Variants in WWOX observed in about 807,000 individuals in gnomAD.
The protein encoded by WWOX is WW domain-containing oxidoreductase.
A neutral mutation model predicts 46.2 loss-of-function variants in WWOX; 69 were observed. The observed-to-expected ratio is 1.49, with a 90% CI of 1.23 to 1.82. The LOEUF is 1.82. Ranked by LOEUF, WWOX falls within the 40% of genes most tolerant of loss-of-function variation. The probability of loss-of-function intolerance (pLI) is 0.00; values close to 1 mark genes in which losing one functional copy is unlikely to be tolerated. For missense variants in WWOX, 919 were observed against 542.6 expected (o/e 1.69, Z -6.89); for synonymous variants, 359 against 202.6 (o/e 1.77, Z -6.56).
At chr16:79,030,029 C>T (rs1346182463) in intron 8 of WWOX, among the ~76,000 whole-genome samples, 2 of 152,032 alleles carry the variant, frequency 1.3e-5, no homozygotes, top group East Asian at 3.9e-4. Context: ...CCCCATAGTC[C>T]AAATAAAGAA....
chr16:79,024,505 C>G (rs1029100018), intron 8 of WWOX, among the ~76,000 whole-genome samples: 8 of 152,076 alleles, frequency 5.3e-5, no homozygotes, highest in African/African-American at 9.7e-5. Context: ...GCTATCTCAG[C>G]TCACTGCAAG....
rs190384940 is a variant in WWOX at position 78,301,452 on chromosome 16, T to C, written c.517-85408T>C. On this transcript the variant is annotated intron_variant, in intron 5 of 8. Coordinates refer to ENST00000566780, the MANE Select transcript of WWOX (RefSeq NM_016373.4). ...ACTTTTCTTTCATTGAGGAAACTTATTGTTTTGTACATTTTGTTGTACCTT... is the reference window on the plus strand; with the variant it reads ...ACTTTTCTTTCATTGAGGAAACTTACTGTTTTGTACATTTTGTTGTACCTT... Among the ~76,000 whole-genome samples, 8 of 152,334 alleles carry C rather than the reference T, an allele frequency of 5.3e-5. No individual in the cohort carries two copies. In the East Asian group the frequency reaches 5.8e-4, roughly 11 times the overall value.
intron 8 of WWOX, among the ~76,000 whole-genome samples, chr16:78,964,425 C>T (rs1013553970): frequency 6.6e-6 from 1 of 152,152 alleles, no homozygotes; most frequent in Admixed American, 6.5e-5. Context: ...CAGCATTTTG[C>T]CCCTGCGCTA....
At chr16:78,637,472 C>G (rs1301526601) in intron 8 of WWOX, among the ~76,000 whole-genome samples, 1 of 151,988 alleles carries the variant, frequency 6.6e-6, no homozygotes, top group South Asian at 2.1e-4. Context: ...TCTGGCCCCA[C>G]GTTACAGATG....
intron 8 of WWOX, among the ~76,000 whole-genome samples, chr16:78,540,867 T>G (rs572922465): frequency 1.3e-5 from 2 of 152,088 alleles, no homozygotes; most frequent in Middle Eastern, 3.2e-3. Flanking sequence ...AAAATTTTTC[T>G]TAGAGGTAGA....
intron 8 of WWOX, among the ~76,000 whole-genome samples, chr16:78,805,151 T>G (rs1300490552): frequency 1.4e-5 from 1 of 70,446 alleles, no homozygotes; most frequent in Non-Finnish European, 3.6e-5. Context: ...TTGTGAAATG[T>G]TTAAGGAGGC....
At chr16:78,438,837 G>C (rs997252742) in intron 8 of WWOX, among the ~76,000 whole-genome samples, 1 of 152,118 alleles carries the variant, frequency 6.6e-6, no homozygotes, top group Non-Finnish European at 1.5e-5. Flanking sequence ...CGGCAATGCT[G>C]GTCCTGTTGC....
At chr16:78,644,019 T>G (rs2046784433) in intron 8 of WWOX, among the ~76,000 whole-genome samples, 1 of 151,986 alleles carries the variant, frequency 6.6e-6, no homozygotes, top group Admixed American at 6.6e-5. Context: ...GGTCAGGAGT[T>G]TGAGACCAGC....
chr16:79,182,334 G>A (rs138805930), intron 8 of WWOX, among the ~76,000 whole-genome samples: 1 of 152,192 alleles, frequency 6.6e-6, no homozygotes, highest in Admixed American at 6.5e-5. Flanking sequence ...GACCGGAAAT[G>A]CCTTTTGTGT....
intron 8 of WWOX, among the ~76,000 whole-genome samples, chr16:78,748,204 G>C (rs1342162539): frequency 1.3e-5 from 2 of 152,114 alleles, no homozygotes; most frequent in Non-Finnish European, 2.9e-5. Context: ...CAAAGCTAGG[G>C]CAGTGTCCAC....
intron 5 of WWOX, among the ~76,000 whole-genome samples, chr16:78,333,205 C>T (rs2080805607): frequency 6.6e-6 from 1 of 151,592 alleles, no homozygotes; most frequent in African/African-American, 2.4e-5. Context: ...AGCATACTCC[C>T]ACACCCAGGT....
chr16:78,404,005 A>G (rs1014770343), intron 6 of WWOX, among the ~76,000 whole-genome samples: 1 of 152,204 alleles, frequency 6.6e-6, no homozygotes, highest in Non-Finnish European at 1.5e-5. Context: ...AAAACTGAAA[A>G]TCAGAAGAGC....
intron 8 of WWOX, among the ~76,000 whole-genome samples, chr16:78,912,157 G>A (rs993146125): frequency 6.6e-6 from 1 of 151,948 alleles, no homozygotes; most frequent in Non-Finnish European, 1.5e-5. Context: ...TGCCATTACA[G>A]GTTGCTGCTT....
intron 8 of WWOX, among the ~76,000 whole-genome samples, chr16:78,802,402 A>T (rs553174259): frequency 1.3e-3 from 203 of 152,104 alleles, no homozygotes; most frequent in African/African-American, 4.7e-3. Context: ...AACAAGATAA[A>T]TGCCGAGGAA....
intron 8 of WWOX, among the ~76,000 whole-genome samples, chr16:79,069,574 A>G (rs1445786010): frequency 6.9e-6 from 1 of 144,692 alleles, no homozygotes; most frequent in African/African-American, 2.7e-5. Context: ...TTTTTTTTTT[A>G]AAGCTAATAA....
intron 8 of WWOX, among the ~76,000 whole-genome samples, chr16:78,601,685 G>A (rs954143388): frequency 6.6e-6 from 1 of 152,164 alleles, no homozygotes; most frequent in African/African-American, 2.4e-5. Context: ...GATGGAAATT[G>A]TAGAGTGGAA....
At chr16:79,015,838 G>A (rs926570118) in intron 8 of WWOX, among the ~76,000 whole-genome samples, 4 of 152,146 alleles carry the variant, frequency 2.6e-5, no homozygotes, top group African/African-American at 7.2e-5. Context: ...TGCAACCCCC[G>A]CCTCCCGGGT....
chr16:78,994,966 C>T (rs1451785967), intron 8 of WWOX, among the ~76,000 whole-genome samples: 4 of 79,622 alleles, frequency 5.0e-5, no homozygotes, highest in Admixed American at 1.6e-4. Context: ...TCTTCTTCTT[C>T]TTCTTTTTTT....
chr16:78,704,108 G>C (rs561766277), intron 8 of WWOX, among the ~76,000 whole-genome samples: 239 of 151,092 alleles, frequency 1.6e-3, no homozygotes, highest in Non-Finnish European at 2.5e-3. Flanking sequence ...CACCCAGCAC[G>C]TCATGGTGGA....
Sources: allele counts gnomAD v4.1 joint callset (sites outside exome capture counted in the v4.1 genomes callset), GRCh38; gene constraint gnomAD v4.1.1; transcripts MANE v1.5; gene names NCBI Gene and HGNC (gene_info 2026-07-23, HGNC 2026-07-21).